Variants in GPC3 observed in about 807,000 individuals in gnomAD.
The protein encoded by GPC3 is glypican-3.
A neutral mutation model predicts 34.4 loss-of-function variants in GPC3; 3 were observed. That is an observed-to-expected ratio of 0.09 (90% CI 0.04 to 0.23). The LOEUF is 0.23. Among genes scored for constraint, GPC3 ranks in the 10% least tolerant of loss-of-function variants. The probability of loss-of-function intolerance (pLI) is 1.00; values close to 1 mark genes in which losing one functional copy is unlikely to be tolerated. For synonymous variants in GPC3, 177 were observed against 174.0 expected (o/e 1.02, Z -0.13); for missense variants, 351 against 445.6 (o/e 0.79, Z 1.91).
chrX:133,823,961 G>A (rs1430465967), intron 2 of GPC3, among the ~76,000 whole-genome samples: 3 of 74,902 alleles, frequency 4.0e-5, no homozygotes, highest in African/African-American at 1.6e-4. Context: ...GTGACAGAGC[G>A]AGACTCCATC....
chrX:133,869,237 A>C (rs943865231), intron 2 of GPC3, among the ~76,000 whole-genome samples: 2 of 111,944 alleles, frequency 1.8e-5, no homozygotes, highest in African/African-American at 6.5e-5. Flanking sequence ...CACTTCAGAA[A>C]ATATAGACTA....
intron 2 of GPC3, among the ~76,000 whole-genome samples, chrX:133,828,417 C>T (rs1337820250): frequency 8.9e-6 from 1 of 112,066 alleles, no homozygotes; most frequent in Non-Finnish European, 1.9e-5. Flanking sequence ...CTCAGCCTCC[C>T]AAAGTGCTGG....
At chrX:133,762,765 T>G in intron 2 of GPC3, 1 of 443,540 alleles carries the variant, frequency 2.3e-6, no homozygotes. Context: ...TTTTCGGGAT[T>G]CCTGTCCTAA....
chrX:133,887,520 G>A (rs984992816), intron 2 of GPC3, among the ~76,000 whole-genome samples: 1 of 111,625 alleles, frequency 9.0e-6, no homozygotes, highest in Non-Finnish European at 1.9e-5. Context: ...AATTAATTGG[G>A]TGATCTGCTT....
intron 7 of GPC3, among the ~76,000 whole-genome samples, chrX:133,581,290 G>T (rs2069728820): frequency 1.8e-5 from 2 of 112,567 alleles, no homozygotes; most frequent in African/African-American, 6.4e-5. Context: ...GGGATTCCTA[G>T]AAGTCAGTAT....
chrX:133,539,796 C>T (rs1344285214), intron 7 of GPC3, among the ~76,000 whole-genome samples: 3 of 112,518 alleles, frequency 2.7e-5, no homozygotes, highest in East Asian at 5.6e-4. Context: ...AGCCACTGTA[C>T]GCTTGGGCCA....
At chrX:133,811,097 T>G (rs184129365) in intron 2 of GPC3, among the ~76,000 whole-genome samples, 3 of 112,055 alleles carry the variant, frequency 2.7e-5, no homozygotes, top group African/African-American at 9.7e-5. Context: ...ACCTGTTAGT[T>G]ATTTTTAGCA....
Position 133,957,845 on chromosome X carries a change from TA to T in GPC3, c.176-4635del, listed in dbSNP as rs772143166. Reference sequence around the variant, plus strand: ...AGAGGAGTTCTCACTTTATTATTATTATTTTTTTTTTGTAAAAATGGAATTC... The same window carrying T: ...AGAGGAGTTCTCACTTTATTATTATTTTTTTTTTTTGTAAAAATGGAATTC... On this transcript the variant is annotated intron_variant, in intron 1 of 7. Transcript: ENST00000370818. 1.1e-3 allele frequency among the ~76,000 whole-genome samples: 124 copies of T among 110,870 alleles called. 1 individual carries two copies. The highest frequency in any genetic ancestry group is 2.0e-3 in the Non-Finnish European group (108 of 52,909).
At position 133,607,158 on chromosome X, in the gene GPC3, T is replaced by C. The variant is rs994497040; in HGVS notation, c.1414-10559A>G. ...GGTATTATTAGCCTCATTTTACAAA[T>C]GAGGAAATGAGAGTCGAGAGAGATG... is the stretch of plus-strand genomic sequence containing the variant. On this transcript the variant is annotated intron_variant, in intron 6 of 7. Transcript: ENST00000370818. Among the ~76,000 whole-genome samples, 7 of 110,837 alleles carry C rather than the reference T, an allele frequency of 6.3e-5. No individual in the cohort carries two copies. The East Asian group carries it at 1.4e-3, about 23-fold the overall frequency.
At chrX:133,641,749 C>T (rs765377456) in intron 6 of GPC3, among the ~76,000 whole-genome samples, 3 of 112,019 alleles carry the variant, frequency 2.7e-5, no homozygotes, top group Non-Finnish European at 3.8e-5. Context: ...TCCTTATTAG[C>T]TTTCTAGCAG....
At chrX:133,721,381 C>G (rs1488928138) in intron 3 of GPC3, among the ~76,000 whole-genome samples, 2 of 109,736 alleles carry the variant, frequency 1.8e-5, no homozygotes, top group Non-Finnish European at 3.8e-5. Flanking sequence ...TAAGAGAATA[C>G]TATGAACAAC....
At chrX:133,538,213 C>T (rs2069312094) in intron 7 of GPC3, among the ~76,000 whole-genome samples, 1 of 112,008 alleles carries the variant, frequency 8.9e-6, no homozygotes, top group Non-Finnish European at 1.9e-5. Context: ...AGACCTCTTT[C>T]TTTGAAAGGT....
At chrX:133,538,421 A>G (rs1300643975) in intron 7 of GPC3, among the ~76,000 whole-genome samples, 1 of 111,047 alleles carries the variant, frequency 9.0e-6, no homozygotes, top group Non-Finnish European at 1.9e-5. Flanking sequence ...GAATGCGAGC[A>G]CTCTCAGCAT....
chrX:133,884,218 T>G (rs752144594), intron 2 of GPC3, among the ~76,000 whole-genome samples: 1 of 111,709 alleles, frequency 9.0e-6, no homozygotes, highest in East Asian at 2.8e-4. Context: ...TTAACTGCGT[T>G]TACCAATTGC....
chrX:133,632,805 C>T (rs1165977669), intron 6 of GPC3, among the ~76,000 whole-genome samples: 1 of 111,384 alleles, frequency 9.0e-6, no homozygotes, highest in South Asian at 3.8e-4. Context: ...TTATATGCCC[C>T]AGTAATAATA....
In GPC3 at chrX:133,848,951, A is replaced by G. The variant is rs777156793; in HGVS notation, c.338-94775T>C. The stretch of plus-strand genomic sequence containing the variant: ...CTAGATAAAATGGGGGAAACATTTA[A>G]TAAGTCTTGCAGGATATTATAAACA... On this transcript the variant is annotated intron_variant, in intron 2 of 7. Coordinates refer to ENST00000370818, the MANE Select transcript of GPC3 (RefSeq NM_004484.4). 2.3e-4 allele frequency among the ~76,000 whole-genome samples: 26 copies of G among 111,567 alleles called. 1 individual carries two copies. Among genetic ancestry groups the G allele is most frequent in the African/African-American group, 8.1e-4 (25 of 30,684 alleles).
chrX:133,741,401 T>C (rs928462120), intron 3 of GPC3, among the ~76,000 whole-genome samples: 72 of 111,197 alleles, frequency 6.5e-4, no homozygotes, highest in Non-Finnish European at 1.0e-3. Context: ...AGGCCACACG[T>C]AGAAAACAGG....
At chrX:133,683,654 G>A (rs1425092517) in intron 5 of GPC3, among the ~76,000 whole-genome samples, 2 of 112,037 alleles carry the variant, frequency 1.8e-5, no homozygotes, top group Admixed American at 9.4e-5. Flanking sequence ...CCATGAAAAT[G>A]TCTCTTCCTG....
At position 133,753,560 on chromosome X, in the gene GPC3, G is replaced by A. The variant is rs2071689255; in HGVS notation, c.954C>T (p.Asn318=). The A allele has an allele frequency of 3.3e-6, 4 of 1,206,782 alleles. No individual in the cohort carries two copies. Among genetic ancestry groups the A allele is most frequent in the East Asian group, 3.0e-5 (1 of 33,762 alleles). ...NGMYRIYDME[N]VLLGLFSTIH... ...TTGTTGAAAAGAGACCAAGCAGTAC[G>A]TTCTCCATGTCATAGATTCTGTACA... The change falls in exon 3 of 8, where the codon AAC becomes AAT. Residue 318 remains asparagine (N), a synonymous_variant. Coordinates refer to ENST00000370818, the MANE Select transcript of GPC3 (RefSeq NM_004484.4).
Sources: gnomAD v4.1 joint callset for allele counts (sites outside exome capture counted in the v4.1 genomes callset) on GRCh38, gnomAD v4.1.1 for gene constraint, MANE v1.5 for transcripts, NCBI Gene and HGNC (gene_info 2026-07-23, HGNC 2026-07-21) for gene names.